OPCML: variants seen among roughly 807,000 people sequenced by gnomAD.
OPCML encodes the protein opioid binding protein/cell adhesion molecule like.
In OPCML, 13 loss-of-function variants were observed where a neutral mutation model predicts 37.8. The ratio of observed to expected loss-of-function variants is 0.34; its 90% CI spans 0.22 to 0.55. The LOEUF (loss-of-function observed/expected upper bound fraction) is 0.55. Among genes scored for constraint, OPCML ranks in the 20% least tolerant of loss-of-function variants. The pLI, the probability that OPCML is intolerant of heterozygous loss-of-function variation, is 0.91. For synonymous variants in OPCML, 176 were observed against 168.8 expected, an observed-to-expected ratio of 1.04 and a Z score of -0.33; for missense variants, 341 against 435.6, an observed-to-expected ratio of 0.78 and a Z score of 1.93.
intron 2 of OPCML, among the ~76,000 whole-genome samples, chr11:132,792,458 G>C (rs1937979993): frequency 6.6e-6 from 1 of 152,104 alleles, no homozygotes; most frequent in South Asian, 2.1e-4. Context: ...AGTAATTAAG[G>C]CTTTTCCTCA....
At chr11:133,031,469 G>T (rs987915867) in intron 1 of OPCML, among the ~76,000 whole-genome samples, 1 of 149,244 alleles carries the variant, frequency 6.7e-6, no homozygotes, top group Non-Finnish European at 1.5e-5. Context: ...ATGGTTGGTT[G>T]GATGGGTAGG....
chr11:133,487,927 C>G (rs1011685221), intron 1 of OPCML, among the ~76,000 whole-genome samples: 1 of 152,044 alleles, frequency 6.6e-6, no homozygotes, highest in Non-Finnish European at 1.5e-5. Flanking sequence ...AATGCACCAT[C>G]ATCAGGTGGG....
At chr11:133,041,285 C>T (rs906340043) in intron 1 of OPCML, among the ~76,000 whole-genome samples, 2 of 152,154 alleles carry the variant, frequency 1.3e-5, no homozygotes, top group Admixed American at 6.5e-5. Flanking sequence ...CAGCTTTGGC[C>T]CACAGTAAGT....
chr11:133,378,878 A>T (rs116775250), intron 1 of OPCML, among the ~76,000 whole-genome samples: 3,275 of 152,114 alleles, frequency 0.022, 120 homozygotes, highest in African/African-American at 0.075. Context: ...AGCAGCTAGG[A>T]CAACGAGTGC....
intron 1 of OPCML, among the ~76,000 whole-genome samples, chr11:133,347,442 T>C (rs1455768077): frequency 6.6e-6 from 1 of 152,226 alleles, no homozygotes; most frequent in Non-Finnish European, 1.5e-5. Context: ...TAAAATTATG[T>C]TCATTGGAAA....
At chr11:132,549,285 G>A (rs528182081) in intron 3 of OPCML, among the ~76,000 whole-genome samples, 1 of 152,178 alleles carries the variant, frequency 6.6e-6, no homozygotes, top group Non-Finnish European at 1.5e-5. Flanking sequence ...AAATGCTATG[G>A]CAATGTCAGG....
chr11:132,920,599 G>A (rs1414916518), intron 2 of OPCML, among the ~76,000 whole-genome samples: 1 of 152,160 alleles, frequency 6.6e-6, no homozygotes. Flanking sequence ...GACAGCCGCG[G>A]CCCCTGGGAG....
At chr11:133,508,368 A>G (rs1361768557) in intron 1 of OPCML, among the ~76,000 whole-genome samples, 1 of 152,214 alleles carries the variant, frequency 6.6e-6, no homozygotes, top group Non-Finnish European at 1.5e-5. Flanking sequence ...GACTAAGGAC[A>G]AGAACCACTG....
At chr11:133,529,787 GA>G (rs1408165120) in intron 1 of OPCML, among the ~76,000 whole-genome samples, 4 of 151,738 alleles carry the variant, frequency 2.6e-5, no homozygotes, top group East Asian at 1.9e-4. Context: ...TTGAAACAAA[GA>G]AAAAAAAGTC....
intron 1 of OPCML, among the ~76,000 whole-genome samples, chr11:133,167,113 G>A (rs1448060629): frequency 6.6e-6 from 1 of 152,170 alleles, no homozygotes; most frequent in African/African-American, 2.4e-5. Flanking sequence ...GAGGTACACG[G>A]TGTCTTCTGT....
chr11:133,330,427 G>C (rs1409531210), intron 1 of OPCML, among the ~76,000 whole-genome samples: 1 of 152,044 alleles, frequency 6.6e-6, no homozygotes, highest in African/African-American at 2.4e-5. Flanking sequence ...CAAAGACTTG[G>C]AACCAACCCA....
At chr11:132,709,891 G>A (rs773187714) in intron 2 of OPCML, among the ~76,000 whole-genome samples, 2 of 152,108 alleles carry the variant, frequency 1.3e-5, no homozygotes, top group African/African-American at 2.4e-5. Context: ...TTTAAGCATT[G>A]GTCAGTGCCT....
chr11:132,645,489 T>C (rs1464293122), intron 3 of OPCML, among the ~76,000 whole-genome samples: 7 of 152,226 alleles, frequency 4.6e-5, no homozygotes, highest in Admixed American at 1.3e-4. Flanking sequence ...GAGACTTCTA[T>C]GGTCATGCCA....
intron 1 of OPCML, among the ~76,000 whole-genome samples, chr11:133,413,515 A>G (rs1330063166): frequency 6.6e-6 from 1 of 151,092 alleles, no homozygotes; most frequent in African/African-American, 2.4e-5. Context: ...ATATAAAAAC[A>G]AACAAAAAAA....
At chr11:132,901,266 T>C (rs78550423) in intron 2 of OPCML, among the ~76,000 whole-genome samples, 12,982 of 152,212 alleles carry the variant, frequency 0.085, 1,872 homozygotes, top group African/African-American at 0.29. Context: ...CAGTGTGCAG[T>C]ATAGTGCCTC....
intron 2 of OPCML, among the ~76,000 whole-genome samples, chr11:132,898,845 C>CA (rs1199463265): frequency 2.0e-5 from 3 of 151,744 alleles, no homozygotes; most frequent in African/African-American, 7.3e-5. Context: ...ACTGCCCCCC[C>CA]CACCCCCGCA....
chr11:133,459,346 AAAC>A (rs1946805419), intron 1 of OPCML, among the ~76,000 whole-genome samples: 1 of 152,064 alleles, frequency 6.6e-6, no homozygotes, highest in South Asian at 2.1e-4. Context: ...ATACAGCAAA[AAAC>A]AACAAAATGT....
intron 1 of OPCML, among the ~76,000 whole-genome samples, chr11:133,517,504 G>T (rs1948305099): frequency 6.6e-6 from 1 of 152,232 alleles, no homozygotes; most frequent in Non-Finnish European, 1.5e-5. Context: ...GGGCAACAGG[G>T]AGTCAGGGAG....
At chr11:133,514,963 T>C (rs1948234351) in intron 1 of OPCML, among the ~76,000 whole-genome samples, 2 of 152,232 alleles carry the variant, frequency 1.3e-5, no homozygotes, top group South Asian at 2.1e-4. Context: ...TTATTCCAGA[T>C]ATACCACTCT....
Sources: allele counts gnomAD v4.1 joint callset (sites outside exome capture counted in the v4.1 genomes callset), GRCh38; gene constraint gnomAD v4.1.1; transcripts MANE v1.5; gene names NCBI Gene and HGNC (gene_info 2026-07-23, HGNC 2026-07-21).